Variants in MAGI2 observed in about 807,000 individuals in gnomAD.
MAGI2 encodes the protein membrane associated guanylate kinase, WW and PDZ domain containing 2.
MAGI2 carries 35 observed loss-of-function variants against 133.3 expected under a neutral mutation model. The observed-to-expected ratio is 0.26, with a 90% CI of 0.20 to 0.35. MAGI2 has a LOEUF of 0.35. Ranked by LOEUF, MAGI2 falls within the 10% of genes least tolerant of loss-of-function variation. The pLI, the probability that MAGI2 is intolerant of heterozygous loss-of-function variation, is 1.00. For missense variants in MAGI2, 1,636 were observed against 1,863.4 expected (o/e 0.88, Z 2.25); for synonymous variants, 729 against 710.6 (o/e 1.03, Z -0.41).
In MAGI2 at chr7:78,134,813, A is replaced by G. The variant is rs1018738207; in HGVS notation, c.3031+208T>C. 5.8e-6 allele frequency: 3 copies of G among 518,924 alleles called. No individual in the cohort carries two copies. In the Admixed American group the frequency reaches 1.0e-4, roughly 18 times the overall value. The allele number at this position is 518,924 out of a possible 1,614,324, so 32.1% of individuals were successfully genotyped here. ...GCAATGTCACATAGCTTGACCTCTG[A>G]ATGAAACAGGTACTGAGTAAACAAG... On this transcript the variant is annotated intron_variant, in intron 17 of 21. Transcript: ENST00000354212.
intron 16 of MAGI2, among the ~76,000 whole-genome samples, chr7:78,141,556 C>T (rs557929348): frequency 1.5e-4 from 23 of 152,176 alleles, no homozygotes; most frequent in African/African-American, 3.4e-4. Flanking sequence ...AAAAAACAGA[C>T]GGCATGACTT....
intron 1 of MAGI2, among the ~76,000 whole-genome samples, chr7:79,365,638 A>C (rs1317539893): frequency 3.3e-5 from 5 of 151,998 alleles, no homozygotes; most frequent in African/African-American, 4.8e-5. Flanking sequence ...CGGGCAGATC[A>C]CTTGAGGTCA....
intron 3 of MAGI2, among the ~76,000 whole-genome samples, chr7:78,549,235 A>C (rs890077433): frequency 2.6e-5 from 4 of 152,100 alleles, no homozygotes; most frequent in African/African-American, 7.2e-5. Context: ...CTGGCCTGCT[A>C]TTCCCAGCTA....
intron 2 of MAGI2, among the ~76,000 whole-genome samples, chr7:78,864,856 A>G (rs1794425892): frequency 6.6e-6 from 1 of 152,196 alleles, no homozygotes. Context: ...TGAAAATGAC[A>G]AAAGAAGAGA....
At chr7:78,834,895 C>T (rs1928912) in intron 2 of MAGI2, among the ~76,000 whole-genome samples, 53,433 of 151,938 alleles carry the variant, frequency 0.35, 10,198 homozygotes, top group East Asian at 0.71. Context: ...CCTGCTTTCA[C>T]CGTGTGAGAT....
At chr7:78,523,596 A>G (rs1796697820) in intron 3 of MAGI2, among the ~76,000 whole-genome samples, 1 of 152,348 alleles carries the variant, frequency 6.6e-6, no homozygotes, top group South Asian at 2.1e-4. Context: ...TGGAGGCCTC[A>G]GGAAACTTAC....
chr7:79,450,810 C>T (rs923678814), intron 1 of MAGI2, among the ~76,000 whole-genome samples: 1 of 152,130 alleles, frequency 6.6e-6, no homozygotes, highest in Non-Finnish European at 1.5e-5. Context: ...TTCATGGATA[C>T]CCACAATGAT....
intron 1 of MAGI2, among the ~76,000 whole-genome samples, chr7:79,403,341 A>G (rs1024445441): frequency 6.6e-6 from 1 of 152,170 alleles, no homozygotes; most frequent in Non-Finnish European, 1.5e-5. Context: ...GTGACTCAAT[A>G]TATCAGCTGT....
intron 2 of MAGI2, among the ~76,000 whole-genome samples, chr7:78,808,968 T>A (rs1221397093): frequency 6.6e-6 from 1 of 152,224 alleles, no homozygotes; most frequent in African/African-American, 2.4e-5. Flanking sequence ...CTGCCTACAG[T>A]CAATTAAACA....
chr7:78,970,783 A>G (rs572605212), intron 2 of MAGI2, among the ~76,000 whole-genome samples: 1 of 152,094 alleles, frequency 6.6e-6, no homozygotes, highest in Admixed American at 6.6e-5. Flanking sequence ...AATGGTTAGC[A>G]AAGGATATAA....
chr7:79,266,514 G>C (rs1394972502), intron 1 of MAGI2, among the ~76,000 whole-genome samples: 2 of 152,040 alleles, frequency 1.3e-5, no homozygotes, highest in African/African-American at 2.4e-5. Flanking sequence ...CCACTAAGGG[G>C]AGTAGGGGAA....
At chr7:78,379,527 AAAT>A (rs1217880785) in intron 6 of MAGI2, among the ~76,000 whole-genome samples, 3 of 152,052 alleles carry the variant, frequency 2.0e-5, no homozygotes, top group African/African-American at 7.2e-5. Context: ...TTTGTGTACC[AAAT>A]AATATAAACC....
intron 16 of MAGI2, among the ~76,000 whole-genome samples, chr7:78,140,279 C>G (rs1199267236): frequency 6.6e-6 from 1 of 152,186 alleles, no homozygotes; most frequent in African/African-American, 2.4e-5. Context: ...ATCCCCCCTT[C>G]TCTCCTCTTT....
chr7:79,162,573 A>G (rs1254875857), intron 1 of MAGI2, among the ~76,000 whole-genome samples: 1 of 152,098 alleles, frequency 6.6e-6, no homozygotes, highest in African/African-American at 2.4e-5. Context: ...GTTGCCTTCT[A>G]AACTATTATG....
At chr7:78,893,810 G>A (rs1796977287) in intron 2 of MAGI2, among the ~76,000 whole-genome samples, 1 of 152,038 alleles carries the variant, frequency 6.6e-6, no homozygotes, top group African/African-American at 2.4e-5. Flanking sequence ...ACACCAACAT[G>A]GCGCATATAT....
chr7:79,306,462 G>A (rs1274372594), intron 1 of MAGI2, among the ~76,000 whole-genome samples: 2 of 151,488 alleles, frequency 1.3e-5, no homozygotes, highest in African/African-American at 4.8e-5. Flanking sequence ...GTACCTGGCT[G>A]CTTTTTTGAT....
intron 3 of MAGI2, among the ~76,000 whole-genome samples, chr7:78,601,405 AT>A (rs1010487424): frequency 6.6e-6 from 1 of 152,050 alleles, no homozygotes; most frequent in African/African-American, 2.4e-5. Flanking sequence ...ATCACTTGTA[AT>A]TTTTTTCTTC....
At chr7:79,099,495 C>A (rs1250976643) in intron 1 of MAGI2, among the ~76,000 whole-genome samples, 4 of 151,792 alleles carry the variant, frequency 2.6e-5, no homozygotes, top group Non-Finnish European at 5.9e-5. Flanking sequence ...TTTATTTTAG[C>A]TTCAGGGGTA....
intron 1 of MAGI2, among the ~76,000 whole-genome samples, chr7:79,207,790 T>C (rs1264829427): frequency 6.6e-6 from 1 of 151,918 alleles, no homozygotes; most frequent in Non-Finnish European, 1.5e-5. Context: ...CTTCAAAAAC[T>C]ACAAAGCCTT....
Sources: allele counts gnomAD v4.1 joint callset (sites outside exome capture counted in the v4.1 genomes callset), GRCh38; gene constraint gnomAD v4.1.1; transcripts MANE v1.5; gene names NCBI Gene and HGNC (gene_info 2026-07-23, HGNC 2026-07-21).